SNTG1: variants seen among roughly 807,000 people sequenced by gnomAD.
The protein encoded by SNTG1 is syntrophin gamma 1, also known as gamma-1-syntrophin.
In SNTG1, 39 loss-of-function variants were observed where a neutral mutation model predicts 74.7. The ratio of observed to expected loss-of-function variants is 0.52; its 90% CI spans 0.40 to 0.68. The LOEUF is 0.68. Ranked by LOEUF, SNTG1 falls within the 30% of genes least tolerant of loss-of-function variation. The pLI, the probability that SNTG1 is intolerant of heterozygous loss-of-function variation, is 0.00. For missense variants in SNTG1, 685 were observed against 609.5 expected, an observed-to-expected ratio of 1.12 and a Z score of -1.30; for synonymous variants, 254 against 217.1, an observed-to-expected ratio of 1.17 and a Z score of -1.49.
intron 1 of SNTG1, among the ~76,000 whole-genome samples, chr8:50,010,881 G>T (rs866914159): frequency 6.8e-6 from 1 of 146,200 alleles, no homozygotes; most frequent in African/African-American, 2.6e-5. Context: ...TCAACAAATA[G>T]AGTTGTGTTA....
intron 1 of SNTG1, among the ~76,000 whole-genome samples, chr8:49,977,048 G>T (rs1307263525): frequency 6.6e-6 from 1 of 152,086 alleles, no homozygotes; most frequent in Non-Finnish European, 1.5e-5. Flanking sequence ...TAATAATGAG[G>T]TGTGGGAAGG....
intron 12 of SNTG1, among the ~76,000 whole-genome samples, chr8:50,581,945 A>G (rs1044308180): frequency 3.9e-5 from 6 of 152,210 alleles, no homozygotes; most frequent in Non-Finnish European, 8.8e-5. Flanking sequence ...AGATGCTTGA[A>G]GGAGGTTAAG....
intron 13 of SNTG1, among the ~76,000 whole-genome samples, chr8:50,643,331 G>C (rs2095085990): frequency 6.6e-6 from 1 of 152,136 alleles, no homozygotes; most frequent in Non-Finnish European, 1.5e-5. Flanking sequence ...TCAATGTCTT[G>C]AAAGAAGCTT....
chr8:50,641,533 G>A (rs765469675), intron 13 of SNTG1, among the ~76,000 whole-genome samples: 2 of 152,154 alleles, frequency 1.3e-5, no homozygotes, highest in Non-Finnish European at 2.9e-5. Context: ...CATTTAGAGA[G>A]AGCCTATTTA....
At chr8:50,382,241 A>G (rs1263466494) in intron 2 of SNTG1, 1 of 152,260 alleles carries the variant, frequency 6.6e-6, no homozygotes. Flanking sequence ...ATTAACCATC[A>G]TATCTATGTT....
At chr8:50,372,414 T>A (rs1315801601) in intron 2 of SNTG1, among the ~76,000 whole-genome samples, 1 of 152,132 alleles carries the variant, frequency 6.6e-6, no homozygotes, top group Non-Finnish European at 1.5e-5. Flanking sequence ...CTTGTCCCCA[T>A]GTACATACCA....
At chr8:50,223,672 A>G (rs1197822304) in intron 2 of SNTG1, among the ~76,000 whole-genome samples, 1 of 152,112 alleles carries the variant, frequency 6.6e-6, no homozygotes, top group Non-Finnish European at 1.5e-5. Flanking sequence ...TACAGAAAAT[A>G]TATTTTTTCA....
chr8:50,465,566 T>C (rs778581670), intron 8 of SNTG1, among the ~76,000 whole-genome samples: 10 of 152,188 alleles, frequency 6.6e-5, no homozygotes, highest in Non-Finnish European at 1.0e-4. Flanking sequence ...TACAGAATAG[T>C]TTCACTGCCC....
chr8:50,016,478 C>T (rs867630939), intron 1 of SNTG1, among the ~76,000 whole-genome samples: 7 of 152,078 alleles, frequency 4.6e-5, no homozygotes, highest in African/African-American at 1.7e-4. Flanking sequence ...GATGATTGCT[C>T]TCATTTAGTC....
intron 1 of SNTG1, among the ~76,000 whole-genome samples, chr8:50,123,220 C>T (rs1473790184): frequency 7.0e-6 from 1 of 143,114 alleles, no homozygotes; most frequent in Non-Finnish European, 1.6e-5. Context: ...AGACTAGTGG[C>T]TGATGGTAAT....
chr8:50,329,954 C>G (rs1338096011), intron 2 of SNTG1, among the ~76,000 whole-genome samples: 3 of 152,174 alleles, frequency 2.0e-5, no homozygotes, highest in African/African-American at 7.2e-5. Flanking sequence ...CAATTTGCCA[C>G]CAGTCTGTTT....
chr8:50,338,988 C>T (rs2091237466), intron 2 of SNTG1, among the ~76,000 whole-genome samples: 1 of 151,920 alleles, frequency 6.6e-6, no homozygotes, highest in African/African-American at 2.4e-5. Context: ...ACACAAAATA[C>T]TATGCCTAAG....
intron 1 of SNTG1, among the ~76,000 whole-genome samples, chr8:50,039,090 G>A (rs1818401379): frequency 6.6e-6 from 1 of 152,146 alleles, no homozygotes; most frequent in Non-Finnish European, 1.5e-5. Flanking sequence ...GATGGCCATA[G>A]TAGGTCCTTG....
chr8:50,379,326 G>T (rs898751332), intron 2 of SNTG1, among the ~76,000 whole-genome samples: 3 of 152,126 alleles, frequency 2.0e-5, no homozygotes, highest in Non-Finnish European at 4.4e-5. Flanking sequence ...ATGAAAGCAG[G>T]GGGGGCCTTC....
intron 1 of SNTG1, among the ~76,000 whole-genome samples, chr8:49,938,378 A>G (rs1808278768): frequency 1.3e-5 from 2 of 152,124 alleles, no homozygotes; most frequent in Admixed American, 1.3e-4. Context: ...AATCCCCACT[A>G]TTTTGTAGAC....
chr8:50,645,374 C>T (rs1398574701), intron 13 of SNTG1, among the ~76,000 whole-genome samples: 1 of 151,894 alleles, frequency 6.6e-6, no homozygotes, highest in Non-Finnish European at 1.5e-5. Context: ...AACTAGCCAC[C>T]TAATGTTTGA....
chr8:50,632,229 T>C (rs2095003841), intron 13 of SNTG1, among the ~76,000 whole-genome samples: 1 of 152,008 alleles, frequency 6.6e-6, no homozygotes. Flanking sequence ...ATTGGGGTAA[T>C]ATATGATAAA....
chr8:50,428,484 G>A (rs773996755), intron 4 of SNTG1, among the ~76,000 whole-genome samples: 8 of 152,126 alleles, frequency 5.3e-5, no homozygotes, highest in Non-Finnish European at 1.2e-4. Flanking sequence ...AAACAAAAGT[G>A]GAATTGTGCA....
chr8:50,194,829 C>T (rs553803374), intron 2 of SNTG1, among the ~76,000 whole-genome samples: 8 of 151,928 alleles, frequency 5.3e-5, no homozygotes, highest in South Asian at 2.1e-4. Context: ...CTCTTGGCAC[C>T]GCCTTTGCAT....
Sources: gnomAD v4.1 joint callset for allele counts (sites outside exome capture counted in the v4.1 genomes callset) on GRCh38, gnomAD v4.1.1 for gene constraint, MANE v1.5 for transcripts, NCBI Gene and HGNC (gene_info 2026-07-23, HGNC 2026-07-21) for gene names.